The following DOCK2 variants were observed in gnomAD, a reference collection of about 807,000 sequenced individuals.
DOCK2 encodes the protein dedicator of cytokinesis 2.
In DOCK2, 87 loss-of-function variants were observed where a neutral mutation model predicts 248.9. The ratio of observed to expected loss-of-function variants is 0.35; its 90% confidence interval spans 0.29 to 0.42. The LOEUF (loss-of-function observed/expected upper bound fraction) is 0.42. Among genes scored for constraint, DOCK2 ranks in the 10% least tolerant of loss-of-function variants. DOCK2 has a pLI of 1.00. For missense variants in DOCK2, 1,747 were observed against 2,300.2 expected, an observed-to-expected ratio of 0.76 and a Z score of 4.92; for synonymous variants, 805 against 821.6, an observed-to-expected ratio of 0.98 and a Z score of 0.35.
chr5:170,039,680 C>T (rs185784616), intron 36 of DOCK2, among the ~76,000 whole-genome samples: 3 of 152,356 alleles, frequency 2.0e-5, no homozygotes, highest in Admixed American at 1.3e-4. Flanking sequence ...GAACACTGAA[C>T]ATTCACTTCT....
chr5:169,660,591 A>G (rs1480630832), intron 2 of DOCK2, among the ~76,000 whole-genome samples: 2 of 152,148 alleles, frequency 1.3e-5, no homozygotes, highest in Non-Finnish European at 2.9e-5. Flanking sequence ...TTTTGAATGT[A>G]CCCCTCACTG....
At chr5:169,902,557 T>C (rs1281748288) in intron 27 of DOCK2, among the ~76,000 whole-genome samples, 1 of 152,094 alleles carries the variant, frequency 6.6e-6, no homozygotes, top group Non-Finnish European at 1.5e-5. Flanking sequence ...TTGAGAAAAG[T>C]GGGAAATACT....
intron 29 of DOCK2, among the ~76,000 whole-genome samples, chr5:169,989,110 A>C (rs1249769458): frequency 1.3e-5 from 2 of 152,168 alleles, no homozygotes; most frequent in East Asian, 3.9e-4. Context: ...TTAGTCATCT[A>C]TTATTTACTT....
chr5:170,076,706 A>G (rs940030041), intron 47 of DOCK2, among the ~76,000 whole-genome samples: 4 of 152,208 alleles, frequency 2.6e-5, no homozygotes, highest in African/African-American at 2.4e-5. Flanking sequence ...CAGCCTTCCC[A>G]TTTTACAGAT....
intron 22 of DOCK2, among the ~76,000 whole-genome samples, chr5:169,725,963 A>C (rs262881): frequency 0.32 from 48,657 of 152,106 alleles, 11,593 homozygotes; most frequent in African/African-American, 0.66. Flanking sequence ...CTGCAATAAA[A>C]AATACATGTG....
At chr5:169,660,805 C>T (rs1180807061) in intron 2 of DOCK2, among the ~76,000 whole-genome samples, 1 of 152,190 alleles carries the variant, frequency 6.6e-6, no homozygotes, top group Non-Finnish European at 1.5e-5. Flanking sequence ...TTGAAAAGGA[C>T]TCCATTTTCT....
chr5:169,906,625 G>A (rs377586258), intron 27 of DOCK2, among the ~76,000 whole-genome samples: 1 of 152,104 alleles, frequency 6.6e-6, no homozygotes. Flanking sequence ...AGCCACCCAT[G>A]CCTGGCCAAA....
chr5:169,736,795 G>A (rs1273998759), intron 22 of DOCK2, among the ~76,000 whole-genome samples: 1 of 152,130 alleles, frequency 6.6e-6, no homozygotes, highest in African/African-American at 2.4e-5. Flanking sequence ...ATAAAACTTA[G>A]TTTCTTTTTT....
At chr5:169,877,351 C>G (rs1268364115) in intron 27 of DOCK2, among the ~76,000 whole-genome samples, 1 of 152,138 alleles carries the variant, frequency 6.6e-6, no homozygotes, top group Non-Finnish European at 1.5e-5. Context: ...AGACCTGTGT[C>G]AAAAAGGTCA....
At chr5:169,837,364 T>A (rs1282817727) in intron 26 of DOCK2, among the ~76,000 whole-genome samples, 1 of 152,214 alleles carries the variant, frequency 6.6e-6, no homozygotes, top group African/African-American at 2.4e-5. Context: ...GTGGCTGCAC[T>A]TTTACTGCTT....
At chr5:169,991,634 C>A (rs1778212232) in intron 29 of DOCK2, among the ~76,000 whole-genome samples, 1 of 152,220 alleles carries the variant, frequency 6.6e-6, no homozygotes, top group South Asian at 2.1e-4. Context: ...TGGCTCTGGA[C>A]CCAGTCAGCT....
chr5:170,069,413 G>A (rs776892855), intron 46 of DOCK2, among the ~76,000 whole-genome samples, 193 bp downstream of exon 46: 5 of 152,308 alleles, frequency 3.3e-5, no homozygotes, highest in Non-Finnish European at 7.3e-5. Context: ...TTGGGGCATC[G>A]CACTCTTGGG....
At chr5:170,012,699 A>G (rs1249082154) in intron 32 of DOCK2, among the ~76,000 whole-genome samples, 3 of 152,242 alleles carry the variant, frequency 2.0e-5, no homozygotes, top group East Asian at 3.8e-4. Flanking sequence ...GCGGACGCCA[A>G]ATGGAATTTA....
At chr5:169,745,906 G>A (rs970417972) in intron 22 of DOCK2, among the ~76,000 whole-genome samples, 2 of 152,190 alleles carry the variant, frequency 1.3e-5, no homozygotes, top group South Asian at 2.1e-4. Flanking sequence ...CGGGGTGGGG[G>A]TGAGTTAGCA....
In DOCK2 at chr5:169,927,773, C is replaced by G. The variant is rs186602450; in HGVS notation, c.2800-55295C>G. Reference sequence around the variant, plus strand: ...CTGGGACTACAGGCGCCCGCCACCACGCCTGGCTAATTTTTTGTATTTTTA... The same window carrying G: ...CTGGGACTACAGGCGCCCGCCACCAGGCCTGGCTAATTTTTTGTATTTTTA... On this transcript the variant is annotated intron_variant, in intron 27 of 51. Coordinates refer to ENST00000520908, the MANE Select transcript of DOCK2 (RefSeq NM_004946.3). Among the ~76,000 whole-genome samples the G allele has an allele frequency of 3.3e-5, 5 of 152,262 alleles. No homozygotes were observed. In the South Asian group the frequency reaches 6.2e-4, roughly 19 times the overall value.
At chr5:169,906,219 C>A (rs534585675) in intron 27 of DOCK2, among the ~76,000 whole-genome samples, 1 of 152,142 alleles carries the variant, frequency 6.6e-6, no homozygotes, top group Non-Finnish European at 1.5e-5. Context: ...TTCTTTCTGA[C>A]GTCAAACGCA....
intron 26 of DOCK2, among the ~76,000 whole-genome samples, chr5:169,829,179 A>G (rs382840): frequency 0.15 from 22,095 of 152,042 alleles, 2,365 homozygotes; most frequent in African/African-American, 0.3. Flanking sequence ...TGGAAACCAT[A>G]TCTAGGATGG....
chr5:170,023,436 C>T (rs770482746), intron 33 of DOCK2, among the ~76,000 whole-genome samples: 2 of 152,082 alleles, frequency 1.3e-5, no homozygotes, highest in Non-Finnish European at 2.9e-5. Flanking sequence ...GTACTGAGTG[C>T]TTGCTGCGTT....
chr5:170,035,017 A>G (rs1053519837), intron 35 of DOCK2, among the ~76,000 whole-genome samples: 2 of 152,224 alleles, frequency 1.3e-5, no homozygotes, highest in Non-Finnish European at 2.9e-5. Context: ...TTAAATGCTC[A>G]CTACGTATTA....
Sources: allele counts gnomAD v4.1 joint callset (sites outside exome capture counted in the v4.1 genomes callset), GRCh38; gene constraint gnomAD v4.1.1; transcripts MANE v1.5; gene names NCBI Gene and HGNC (gene_info 2026-07-23, HGNC 2026-07-21).